Variants in KLF9 observed in about 807,000 individuals in gnomAD.
KLF9 encodes the protein Krueppel-like factor 9.
Under a neutral mutation model 17.3 loss-of-function variants are expected in KLF9, and 2 were observed. That is an observed-to-expected ratio of 0.12 (90% CI 0.05 to 0.36). The LOEUF (loss-of-function observed/expected upper bound fraction) is 0.36, where lower values mean the gene tolerates loss of function less well. KLF9 is among the 10% of genes least tolerant of loss of function. KLF9 has a pLI of 1.00. For synonymous variants in KLF9, 138 were observed against 139.2 expected, an observed-to-expected ratio of 0.99 and a Z score of 0.06; for missense variants, 226 against 333.2, an observed-to-expected ratio of 0.68 and a Z score of 2.51.
intron 1 of KLF9, among the ~76,000 whole-genome samples, chr9:70,400,179 A>G (rs1464849657): frequency 2.0e-5 from 3 of 152,176 alleles, no homozygotes; most frequent in South Asian, 2.1e-4. Flanking sequence ...GCACCCTTCT[A>G]AAGTGCAGGG....
intron 1 of KLF9, among the ~76,000 whole-genome samples, chr9:70,391,086 C>G: frequency 6.6e-6 from 1 of 151,990 alleles, no homozygotes; most frequent in East Asian, 1.9e-4. Flanking sequence ...GTACTCATTT[C>G]TTTCAAGTGA....
chr9:70,403,684 C>A (rs887615433), intron 1 of KLF9, among the ~76,000 whole-genome samples: 20 of 152,300 alleles, frequency 1.3e-4, no homozygotes, highest in African/African-American at 3.9e-4. Flanking sequence ...AATAAAGTTT[C>A]ATTTTTTTTA....
At position 70,387,919 on chromosome 9, in the gene KLF9, T is replaced by A. The variant is rs1447375178; in HGVS notation, c.592A>T (p.Thr198Ser). ...DELTRHYRTH[T>S]GEKQFRCPLC... ...GGACAGCGGAACTGCTTTTCCCCAG[T>A]GTGGGTCCGGTAGTGGCGGGTCAGC... is the stretch of plus-strand genomic sequence containing the variant. Residue 198 changes from threonine (T) to serine (S), a missense_variant, in exon 2 of 2, where the codon ACT becomes TCT. By Grantham distance (58) the Thr-to-Ser change is moderately conservative. Coordinates refer to ENST00000377126, the MANE Select transcript of KLF9 (RefSeq NM_001206.4). 1 of 1,613,962 alleles carries A rather than the reference T, an allele frequency of 6.2e-7. No individual in the cohort carries two copies. The highest frequency in any genetic ancestry group is 8.5e-7 in the Non-Finnish European group (1 of 1,180,028).
chr9:70,410,025 C>T (rs547884441), intron 1 of KLF9, among the ~76,000 whole-genome samples: 1 of 152,292 alleles, frequency 6.6e-6, no homozygotes, highest in South Asian at 2.1e-4. Flanking sequence ...GAACCTGTGA[C>T]TTGAGGATAG....
Position 70,413,165 on chromosome 9 carries a change from A to G in KLF9, c.199T>C (p.Leu67=). ...YCTLVTIAKS[L]LDLNKYRPIQ... ...GGTCGGTACTTGTTCAGGTCCAACA[A>G]GCTCTTGGCGATGGTGACCAGTGTG... Residue 67 remains leucine (L), a synonymous_variant, in exon 1 of 2, where the codon TTG becomes CTG. Transcript: ENST00000377126. The surrounding 1 kb of genome is among the most constrained non-coding windows in gnomAD (Gnocchi z 5.6). 1 of 1,614,164 alleles carries G rather than the reference A, an allele frequency of 6.2e-7. No homozygotes were observed. The highest frequency in any genetic ancestry group is 8.5e-7 in the Non-Finnish European group (1 of 1,180,026).
chr9:70,408,366 C>T (rs2037271932), intron 1 of KLF9, among the ~76,000 whole-genome samples: 1 of 152,202 alleles, frequency 6.6e-6, no homozygotes, highest in Non-Finnish European at 1.5e-5. Flanking sequence ...CCTAGTTGTA[C>T]ATCTATGTTG....
chr9:70,402,537 A>C (rs2118919634), intron 1 of KLF9, among the ~76,000 whole-genome samples: 1 of 152,320 alleles, frequency 6.6e-6, no homozygotes, highest in Admixed American at 6.5e-5. Context: ...AATTAAAACC[A>C]AGTCAATGGC....
chr9:70,408,987 T>C (rs1191830085), intron 1 of KLF9, among the ~76,000 whole-genome samples: 1 of 97,588 alleles, frequency 1.0e-5, no homozygotes, highest in Non-Finnish European at 2.1e-5. Context: ...TTTTGCACTA[T>C]ATATATATAT....
chr9:70,414,428 ACTGGC>A lies in KLF9; in HGVS notation c.-1070_-1066del, dbSNP rs2037363379. Reference sequence around the variant, plus strand: ...AATCAAAAGTAAGTTGGTTGATGTCACTGGCATTGGCTCGGCCAATCACAAGGGCG... The same window carrying A: ...AATCAAAAGTAAGTTGGTTGATGTCAATTGGCTCGGCCAATCACAAGGGCG... On this transcript the variant is annotated 5_prime_UTR_variant, in exon 1 of 2. It removes an upstream start codon present in the reference 5' UTR. Coordinates refer to ENST00000377126, the MANE Select transcript of KLF9 (RefSeq NM_001206.4). 6.6e-6 allele frequency: 1 copy of A among 152,238 alleles called. No individual in the cohort carries two copies. Among genetic ancestry groups the A allele is most frequent in the South Asian group, 2.1e-4 (1 of 4,832 alleles). The allele number at this position is 152,238 out of a possible 1,614,324, so 9.4% of individuals were successfully genotyped here.
intron 1 of KLF9, among the ~76,000 whole-genome samples, chr9:70,401,587 T>A (rs2037221912): frequency 6.9e-6 from 1 of 144,182 alleles, no homozygotes. Flanking sequence ...CTTAGGAGGC[T>A]GAGGCAGGAG....
chr9:70,401,477 G>A (rs1438263067), intron 1 of KLF9, among the ~76,000 whole-genome samples: 1 of 151,958 alleles, frequency 6.6e-6, no homozygotes, highest in African/African-American at 2.4e-5. Flanking sequence ...CTTCAGGTCA[G>A]AAGTTCGAGA....
intron 1 of KLF9, among the ~76,000 whole-genome samples, chr9:70,401,424 T>C (rs2037220308): frequency 6.6e-6 from 1 of 151,830 alleles, no homozygotes; most frequent in African/African-American, 2.4e-5. Flanking sequence ...CGGTGGCTCA[T>C]GCCTGTAATC....
intron 1 of KLF9, among the ~76,000 whole-genome samples, chr9:70,399,978 A>G (rs1482367116): frequency 1.3e-5 from 2 of 152,206 alleles, no homozygotes; most frequent in Non-Finnish European, 2.9e-5. Flanking sequence ...AAAGAGAAAG[A>G]GCTGGTAGGA....
intron 1 of KLF9, among the ~76,000 whole-genome samples, chr9:70,409,226 A>G (rs1432118630): frequency 2.2e-5 from 3 of 138,786 alleles, no homozygotes; most frequent in East Asian, 2.0e-4. Context: ...ATATGTATAT[A>G]TATATACTGA....
At chr9:70,390,632 T>TACACAC (rs375788345) in intron 1 of KLF9, among the ~76,000 whole-genome samples, 3 of 150,910 alleles carry the variant, frequency 2.0e-5, no homozygotes, top group African/African-American at 4.9e-5. Flanking sequence ...GCTCAAACTT[T>TACACAC]ACACACACAC....
At chr9:70,412,784 C>G (rs1049406861) in intron 1 of KLF9, 75 bp downstream of exon 1, 20 of 1,429,604 alleles carry the variant, frequency 1.4e-5, no homozygotes, top group Middle Eastern at 1.8e-4. Flanking sequence ...TGCAGTGTCC[C>G]GAACGCCCAG....
rs1319399092 is a variant in KLF9 at position 70,414,481 on chromosome 9, C to T, written c.-1118G>A. ...GCGTTCCGAAAGCAAGCGCTCGACACTTGTAAACGCGAAGAGCTGTAGTGA... is the reference window on the plus strand; with the variant it reads ...GCGTTCCGAAAGCAAGCGCTCGACATTTGTAAACGCGAAGAGCTGTAGTGA... On this transcript the variant is annotated 5_prime_UTR_variant, in exon 1 of 2. It adds an upstream start codon to the 5' untranslated region. Transcript: ENST00000377126. The T allele has an allele frequency of 6.6e-6, 1 of 152,210 alleles. No individual in the cohort carries two copies. The highest frequency in any genetic ancestry group is 1.5e-5 in the Non-Finnish European group (1 of 68,034). 9.4% of individuals were successfully genotyped at this position (152,210 alleles called of 1,614,324 possible).
intron 1 of KLF9, among the ~76,000 whole-genome samples, chr9:70,388,555 T>C (rs1418383166): frequency 2.0e-5 from 3 of 152,220 alleles, no homozygotes; most frequent in Non-Finnish European, 4.4e-5. Context: ...ATGGGTCCCC[T>C]GGAAAGTATT....
rs761382355 is a variant in KLF9, at chr9:70,387,860, G to A, written c.651C>T (p.His217=). The change falls in exon 2 of 2, where the codon CAC becomes CAT. Residue 217 remains histidine, a synonymous_variant. Coordinates refer to ENST00000377126, the MANE Select transcript of KLF9 (RefSeq NM_001206.4). ...LCEKRFMRSD[H]LTKHARRHTE... is the part of the protein sequence containing the mutation. Reference sequence around the variant, plus strand: ...TGTGCCGCCGGGCGTGCTTTGTGAGGTGGTCACTCCTCATGAAGCGCTTCT... The same window carrying A: ...TGTGCCGCCGGGCGTGCTTTGTGAGATGGTCACTCCTCATGAAGCGCTTCT... 9.3e-6 allele frequency: 15 copies of A among 1,614,012 alleles called. No individual in the cohort carries two copies. The highest frequency in any genetic ancestry group is 3.4e-6 in the Non-Finnish European group (4 of 1,180,028).
Sources: gnomAD v4.1 joint callset for allele counts (sites outside exome capture counted in the v4.1 genomes callset) on GRCh38, gnomAD v4.1.1 for gene constraint, Gnocchi (gnomAD v3.1) non-coding constraint, MANE v1.5 for transcripts, NCBI Gene and HGNC (gene_info 2026-07-23, HGNC 2026-07-21) for gene names.